PTPRR: variants seen among roughly 807,000 people sequenced by gnomAD.
PTPRR encodes the protein protein tyrosine phosphatase receptor type R, also known as receptor-type tyrosine-protein phosphatase R.
PTPRR carries 38 observed loss-of-function variants against 77.2 expected under a neutral mutation model. That is an observed-to-expected ratio of 0.49 (90% confidence interval 0.38 to 0.65). The LOEUF (loss-of-function observed/expected upper bound fraction) is 0.65. Ranked by LOEUF, PTPRR falls within the 30% of genes least tolerant of loss-of-function variation. The pLI is 0.00. For synonymous variants in PTPRR, 299 were observed against 283.1 expected (o/e 1.06, Z -0.57); for missense variants, 744 against 799.2 (o/e 0.93, Z 0.83).
chr12:70,705,325 GTAGTTGGGGACCA>G (rs1294099130), intron 6 of PTPRR, among the ~76,000 whole-genome samples: 6 of 152,170 alleles, frequency 3.9e-5, no homozygotes, highest in South Asian at 4.2e-4. Context: ...TATTTTCCCG[GTAGTTGGGGACCA>G]TAATGCTAGA....
At chr12:70,701,701 G>A (rs1274609943) in intron 6 of PTPRR, among the ~76,000 whole-genome samples, 1 of 152,118 alleles carries the variant, frequency 6.6e-6, no homozygotes, top group South Asian at 2.1e-4. Flanking sequence ...GGCCAGATGA[G>A]GTAGTTCATG....
At chr12:70,713,124 A>G (rs1888892243) in intron 6 of PTPRR, among the ~76,000 whole-genome samples, 1 of 152,180 alleles carries the variant, frequency 6.6e-6, no homozygotes, top group African/African-American at 2.4e-5. Context: ...GACATTTCGT[A>G]TAAATGGAAT....
chr12:70,876,601 T>C (rs901575845), intron 2 of PTPRR, among the ~76,000 whole-genome samples: 2 of 152,196 alleles, frequency 1.3e-5, no homozygotes, highest in African/African-American at 4.8e-5. Context: ...AAAGGAAATA[T>C]AAATTAAAAA....
intron 8 of PTPRR, 39 bp downstream of exon 8, chr12:70,698,226 C>T (rs1307063326): frequency 3.9e-6 from 6 of 1,553,014 alleles, no homozygotes; most frequent in Admixed American, 1.7e-5. Context: ...CCTCCCCTTG[C>T]CCCCCATACA....
chr12:70,894,617 T>G (rs1010475887), intron 1 of PTPRR, among the ~76,000 whole-genome samples: 1 of 151,700 alleles, frequency 6.6e-6, no homozygotes. Flanking sequence ...AGTAAAATAA[T>G]AAATACACAC....
At chr12:70,835,751 G>C (rs1373753752) in intron 2 of PTPRR, among the ~76,000 whole-genome samples, 2 of 152,070 alleles carry the variant, frequency 1.3e-5, no homozygotes, top group Non-Finnish European at 2.9e-5. Flanking sequence ...TCAAATTTCA[G>C]ATGTGTCAAA....
chr12:70,693,348 A>G (rs988249219), intron 8 of PTPRR, among the ~76,000 whole-genome samples: 2 of 151,838 alleles, frequency 1.3e-5, no homozygotes, highest in African/African-American at 2.4e-5. Flanking sequence ...TGCAGTGGCT[A>G]CTCCCAGATG....
intron 6 of PTPRR, among the ~76,000 whole-genome samples, chr12:70,705,728 T>G (rs1404962442): frequency 6.6e-6 from 1 of 152,040 alleles, no homozygotes. Context: ...CGAGATTTTT[T>G]TTTTTGGTTC....
At chr12:70,909,690 T>C (rs1248096173) in intron 1 of PTPRR, among the ~76,000 whole-genome samples, 2 of 152,212 alleles carry the variant, frequency 1.3e-5, no homozygotes, top group East Asian at 3.9e-4. Flanking sequence ...CATATTTCTC[T>C]AAGACTGAAA....
At chr12:70,757,976 C>T (rs1349378930) in intron 4 of PTPRR, among the ~76,000 whole-genome samples, 2 of 152,198 alleles carry the variant, frequency 1.3e-5, no homozygotes, top group African/African-American at 4.8e-5. Context: ...TGTATCTGTA[C>T]CAAGCACCTC....
intron 2 of PTPRR, among the ~76,000 whole-genome samples, chr12:70,771,313 G>T (rs1048969164): frequency 2.6e-5 from 4 of 152,080 alleles, no homozygotes; most frequent in African/African-American, 4.8e-5. Flanking sequence ...ACCATATACT[G>T]CATGTTCTCA....
At chr12:70,740,672 T>C (rs1371151879) in intron 6 of PTPRR, among the ~76,000 whole-genome samples, 1 of 152,162 alleles carries the variant, frequency 6.6e-6, no homozygotes, top group Non-Finnish European at 1.5e-5. Context: ...TATTTTATGA[T>C]TAATGATATC....
chr12:70,680,619 T>C (rs1485036904), intron 10 of PTPRR, among the ~76,000 whole-genome samples: 1 of 151,934 alleles, frequency 6.6e-6, no homozygotes, highest in Non-Finnish European at 1.5e-5. Context: ...CTGGTTAAGG[T>C]GGGGACCCGC....
chr12:70,690,707 G>A (rs763915995), intron 8 of PTPRR, among the ~76,000 whole-genome samples: 1 of 152,214 alleles, frequency 6.6e-6, no homozygotes, highest in Non-Finnish European at 1.5e-5. Context: ...TTCACTGACA[G>A]CACAAGTATC....
chr12:70,872,573 G>A (rs1287617118), intron 2 of PTPRR, among the ~76,000 whole-genome samples: 1 of 151,404 alleles, frequency 6.6e-6, no homozygotes, highest in Non-Finnish European at 1.5e-5. Flanking sequence ...GCGGGTGCCT[G>A]TAGTCCCAGC....
At chr12:70,678,698 GTCTC>G (rs1312924967) in intron 10 of PTPRR, among the ~76,000 whole-genome samples, 1 of 151,798 alleles carries the variant, frequency 6.6e-6, no homozygotes, top group Non-Finnish European at 1.5e-5. Context: ...TTGAGATGGA[GTCTC>G]TCTCTCTGTC....
At chr12:70,822,374 T>A (rs1892030892) in intron 2 of PTPRR, among the ~76,000 whole-genome samples, 1 of 152,200 alleles carries the variant, frequency 6.6e-6, no homozygotes, top group African/African-American at 2.4e-5. Context: ...ACAAATAATT[T>A]GTGCTGCCAG....
chr12:70,865,233 C>A (rs143553420), intron 2 of PTPRR, among the ~76,000 whole-genome samples: 1 of 152,298 alleles, frequency 6.6e-6, no homozygotes, highest in East Asian at 1.9e-4. Context: ...TCCCCAGCTA[C>A]GTGGAACTGT....
At chr12:70,867,835 A>C (rs1306339335) in intron 2 of PTPRR, among the ~76,000 whole-genome samples, 1 of 152,204 alleles carries the variant, frequency 6.6e-6, no homozygotes, top group Non-Finnish European at 1.5e-5. Context: ...GTACCAAAAC[A>C]GAGATACAGA....
Sources: allele counts gnomAD v4.1 joint callset (sites outside exome capture counted in the v4.1 genomes callset), GRCh38; gene constraint gnomAD v4.1.1; transcripts MANE v1.5; gene names NCBI Gene and HGNC (gene_info 2026-07-23, HGNC 2026-07-21).